The following WDR75 variants were observed in gnomAD, a reference collection of about 807,000 sequenced individuals.
The protein encoded by WDR75 is WD repeat-containing protein 75.
In WDR75, 52 loss-of-function variants were observed where a neutral mutation model predicts 106.1. The ratio of observed to expected loss-of-function variants is 0.49; its 90% CI spans 0.39 to 0.62. The LOEUF (loss-of-function observed/expected upper bound fraction) is 0.62. Ranked by LOEUF, WDR75 falls within the 20% of genes least tolerant of loss-of-function variation. The pLI is 0.00. For missense variants in WDR75, 905 were observed against 970.3 expected, an observed-to-expected ratio of 0.93 and a Z score of 0.89; for synonymous variants, 333 against 335.5, an observed-to-expected ratio of 0.99 and a Z score of 0.08.
chr2:189,470,775 C>T (rs1687101342), intron 17 of WDR75, 44 bp from the exon 18 acceptor site: 1 of 1,483,634 alleles, frequency 6.7e-7, no homozygotes, highest in South Asian at 1.3e-5. Flanking sequence ...TTTAGATTTG[C>T]ACTCTACAGT....
intron 1 of WDR75, among the ~76,000 whole-genome samples, chr2:189,447,782 T>G (rs1250274456): frequency 6.6e-6 from 1 of 152,212 alleles, no homozygotes; most frequent in Non-Finnish European, 1.5e-5. Context: ...AGTATACAAT[T>G]CTTAAACTAT....
At chr2:189,451,479 C>T (rs190684654) in intron 3 of WDR75, among the ~76,000 whole-genome samples, 6 of 152,240 alleles carry the variant, frequency 3.9e-5, no homozygotes, top group South Asian at 2.1e-4. Flanking sequence ...TCAATAAACA[C>T]GTTTTGCTAC....
rs549577332 is a variant in WDR75, at chr2:189,469,975, C to T, written c.1820-101C>T. On this transcript the variant is annotated intron_variant, in intron 16 of 20. Coordinates refer to ENST00000314761, the MANE Select transcript of WDR75 (RefSeq NM_032168.3). ...AAACAGTCATGACTTGGGCCAGTTACTCAATGGGGTGAGTCCCAGGATTAG... is the reference window on the plus strand; with the variant it reads ...AAACAGTCATGACTTGGGCCAGTTATTCAATGGGGTGAGTCCCAGGATTAG... 3 of 1,042,298 alleles carry T rather than the reference C, an allele frequency of 2.9e-6. No homozygotes were observed. The African/African-American group carries it at 4.8e-5, about 17-fold the overall frequency. 64.6% of individuals were successfully genotyped at this position (1,042,298 alleles called of 1,614,324 possible).
chr2:189,460,510 G>GTT (rs776448300), intron 8 of WDR75, among the ~76,000 whole-genome samples: 7 of 144,262 alleles, frequency 4.9e-5, no homozygotes, highest in African/African-American at 7.5e-5. Context: ...CCAGGCAGGG[G>GTT]TTTTTTTTTT....
chr2:189,469,497 A>T (rs926759071), intron 16 of WDR75, 58 bp downstream of exon 16: 109 of 1,452,074 alleles, frequency 7.5e-5, no homozygotes, highest in Non-Finnish European at 1.0e-4. Context: ...TTTTCTTCTT[A>T]ATATAATTTG....
chr2:189,455,611 AT>A (rs145419930), intron 5 of WDR75, 167 bp downstream of exon 5: 31,002 of 840,084 alleles, frequency 0.037, 987 homozygotes, highest in African/African-American at 0.13. Context: ...TATGGTATAG[AT>A]TTTTTTAGGA....
At chr2:189,451,019 T>C in intron 3 of WDR75, 51 bp downstream of exon 3, 1 of 1,573,594 alleles carries the variant, frequency 6.4e-7, no homozygotes, top group Non-Finnish European at 8.6e-7. Flanking sequence ...AAAGGCAATG[T>C]AATTTAATGG....
In WDR75 at chr2:189,474,135, C is replaced by T. The variant is rs575492071; in HGVS notation, c.2050-51C>T. 1.9e-5 allele frequency: 30 copies of T among 1,564,620 alleles called. No individual in the cohort carries two copies. The South Asian group carries it at 3.5e-4, about 18-fold the overall frequency. On this transcript the variant is annotated intron_variant, in intron 18 of 20. Transcript: ENST00000314761. Reference sequence around the variant, plus strand: ...GTAGTACTTACTGTTAAGTCAAACACAGTTCTTCCTTTTTTCTGAAATAAT... The same window carrying T: ...GTAGTACTTACTGTTAAGTCAAACATAGTTCTTCCTTTTTTCTGAAATAAT...
chr2:189,445,924 A>C (rs967858520), intron 1 of WDR75, among the ~76,000 whole-genome samples: 1 of 152,220 alleles, frequency 6.6e-6, no homozygotes, highest in African/African-American at 2.4e-5. Context: ...GGTTGCGTTT[A>C]AGTAATTGAA....
chr2:189,448,939 A>G (rs529693106), intron 2 of WDR75: 2 of 461,862 alleles, frequency 4.3e-6, no homozygotes, highest in African/African-American at 2.0e-5. Context: ...TTTGGTAGAT[A>G]TGTTCCTTTA....
At chr2:189,466,129 G>C (rs1274710580) in intron 12 of WDR75, among the ~76,000 whole-genome samples, 1 of 152,088 alleles carries the variant, frequency 6.6e-6, no homozygotes, top group Non-Finnish European at 1.5e-5. Flanking sequence ...GATACAGTAG[G>C]CTTTTGAGTA....
intron 6 of WDR75, 76 bp downstream of exon 6, chr2:189,457,457 T>A: frequency 1.1e-6 from 1 of 936,556 alleles, no homozygotes; most frequent in Non-Finnish European, 1.6e-6. Flanking sequence ...CTAATACCTA[T>A]AGTCCAAAGC....
intron 8 of WDR75, among the ~76,000 whole-genome samples, chr2:189,461,055 ACTT>A (rs150690153): frequency 0.024 from 3,640 of 152,276 alleles, 154 homozygotes; most frequent in African/African-American, 0.084. Flanking sequence ...ATCAGATTAA[ACTT>A]CTTAATTTTG....
At chr2:189,467,405 A>C in intron 13 of WDR75, 63 bp from the exon 14 acceptor site, 1 of 1,480,328 alleles carries the variant, frequency 6.8e-7, no homozygotes, top group Non-Finnish European at 9.0e-7. Flanking sequence ...AACTAGGGGG[A>C]ACTACTGTAG....
intron 4 of WDR75, 37 bp from the exon 5 acceptor site, chr2:189,455,283 A>C (rs935611309): frequency 6.2e-7 from 1 of 1,600,370 alleles, no homozygotes; most frequent in Non-Finnish European, 8.5e-7. Flanking sequence ...TGCTCTCTCT[A>C]GAGAAGCTTT....
chr2:189,449,353 G>A (rs1686567614), intron 2 of WDR75: 3 of 1,294,118 alleles, frequency 2.3e-6, no homozygotes, highest in East Asian at 5.6e-5. Context: ...AATTAAATGA[G>A]CTACTTCTAA....
At chr2:189,474,378 A>G (rs750989049) in intron 19 of WDR75, 46 bp downstream of exon 19, 7 of 1,566,684 alleles carry the variant, frequency 4.5e-6, no homozygotes, top group Non-Finnish European at 6.0e-6. Flanking sequence ...ATGCACTTAA[A>G]GCACCTGAAG....
chr2:189,461,155 C>G (rs564140818), intron 8 of WDR75, among the ~76,000 whole-genome samples: 1 of 152,228 alleles, frequency 6.6e-6, no homozygotes, highest in South Asian at 2.1e-4. Flanking sequence ...GATAAAAACC[C>G]CATTATAAAC....
rs768024946 is a variant in WDR75 at position 189,475,414 on chromosome 2, T to G, written c.2490T>G (p.Leu830=). The G allele has an allele frequency of 6.3e-7, 1 of 1,596,908 alleles. No individual in the cohort carries two copies. Among genetic ancestry groups the G allele is most frequent in the Non-Finnish European group, 8.5e-7 (1 of 1,172,252 alleles). ...TAGACTACAGCTGGATAGCTGCCCT[T>G]TAAGCCTTGGAGATGGGGAGGATCC... The part of the protein sequence containing the change: ...RKIDYSWIAA[L] Residue 830 remains leucine (L), a synonymous_variant, in exon 21 of 21, where the codon CTT becomes CTG. Transcript: ENST00000314761.
Sources: gnomAD v4.1 joint callset for allele counts (sites outside exome capture counted in the v4.1 genomes callset) on GRCh38, gnomAD v4.1.1 for gene constraint, MANE v1.5 for transcripts, NCBI Gene and HGNC (gene_info 2026-07-23, HGNC 2026-07-21) for gene names.